The following CUL9 variants were observed in gnomAD, a reference collection of about 807,000 sequenced individuals.
CUL9 encodes cullin-9.
Under a neutral mutation model 272.6 loss-of-function variants are expected in CUL9, and 79 were observed. The observed-to-expected ratio is 0.29, with a 90% CI of 0.24 to 0.35. The LOEUF (loss-of-function observed/expected upper bound fraction) is 0.35. Ranked by LOEUF, CUL9 falls within the 10% of genes least tolerant of loss-of-function variation. The pLI is 1.00. For missense variants in CUL9, 2,532 were observed against 3,255.6 expected (o/e 0.78, Z 5.41); for synonymous variants, 1,186 against 1,286.5 (o/e 0.92, Z 1.67).
At chr6:43,212,902 T>C (rs556567160) in intron 26 of CUL9, 29 of 444,846 alleles carry the variant, frequency 6.5e-5, no homozygotes, top group African/African-American at 5.8e-4. Context: ...TGTTTTTGCA[T>C]GGAACCTGCC....
At chr6:43,193,638 C>G (rs1480866226) in intron 9 of CUL9, among the ~76,000 whole-genome samples, 1 of 152,080 alleles carries the variant, frequency 6.6e-6, no homozygotes, top group Non-Finnish European at 1.5e-5. Flanking sequence ...CCTCCACCTC[C>G]TGGGTTCAAG....
rs1562068621 is a variant in CUL9, at chr6:43,224,297, A to T, written c.7406A>T (p.Asp2469Val). 1 of 1,614,204 alleles carries T rather than the reference A, an allele frequency of 6.2e-7. No homozygotes were observed. Among genetic ancestry groups the T allele is most frequent in the African/African-American group, 1.3e-5 (1 of 75,064 alleles). ...GPEAEEEEED[D>V]EDDVPEWQQD... ...GAGGCAGAAGAGGAGGAGGAAGACG[A>T]TGAGGATGATGTGCCCGAGTGGCAG... Residue 2469 changes from aspartate to valine, a missense_variant, in exon 41 of 41, where the codon GAT (aspartate) becomes GTT (valine). This residue lies in a region of CUL9 where 237 missense variants were observed against 305.9 expected (regional missense o/e 0.77). Transcript: ENST00000252050. The surrounding 1 kb of genome is among the most constrained non-coding windows in gnomAD (Gnocchi z 4.2).
In CUL9 at chr6:43,193,072, C is replaced by T. The variant is rs953476329; in HGVS notation, c.2252C>T (p.Ala751Val). 2 of 1,614,210 alleles carry T rather than the reference C, an allele frequency of 1.2e-6. No homozygotes were observed. The highest frequency in any genetic ancestry group is 1.3e-5 in the African/African-American group (1 of 75,064). Residue 751 changes from alanine to valine, a missense_variant, in exon 9 of 41, where the codon GCC becomes GTC. Around this residue, in one of 3 missense-constraint regions of CUL9, gnomAD observed 2,218 missense variants for 2,788.6 expected, o/e 0.80. Coordinates refer to ENST00000252050, the MANE Select transcript of CUL9 (RefSeq NM_015089.4). ...QVGEKMVVVQ[A>V]LRLLYLLMTK... Reference sequence around the variant, plus strand: ...GGAGAGAAGATGGTGGTCGTGCAGGCCCTGCGCCTCCTTTACCTGCTCATG... The same window carrying T: ...GGAGAGAAGATGGTGGTCGTGCAGGTCCTGCGCCTCCTTTACCTGCTCATG...
Position 43,220,890 on chromosome 6 carries a change from C to T in CUL9, c.6567C>T (p.Cys2189=), listed in dbSNP as rs1369315706. 2 of 1,612,476 alleles carry T rather than the reference C, an allele frequency of 1.2e-6. No homozygotes were observed. The highest frequency in any genetic ancestry group is 2.7e-5 in the African/African-American group (2 of 74,888). ...GCTCCAAGTGTGGCTGGGCCTCTTG[C>T]TTCAACTGTAGCTTCCCTGAGGTGG... The part of the protein sequence containing the change: ...TTCSKCGWAS[C]FNCSFPEAHY... The change falls in exon 33 of 41, where the codon TGC becomes TGT. Residue 2189 remains cysteine, a synonymous_variant. Coordinates refer to ENST00000252050, the MANE Select transcript of CUL9 (RefSeq NM_015089.4). This position sits in a 1 kb window ranked among gnomAD's most constrained non-coding sequence, Gnocchi z 4.9.
rs773095111 is a variant in CUL9 at position 43,184,751 on chromosome 6, C to T, written c.441C>T (p.His147=). ...CGGCCGCTGTGCTTCACACCATCCA[C>T]GTGCTCAGTGCCTACGCCAGCATCG... is the stretch of plus-strand genomic sequence containing the variant. ...SLTAAVLHTI[H]VLSAYASIGP... The change falls in exon 2 of 41, where the codon CAC becomes CAT. Residue 147 remains histidine, a synonymous_variant. Coordinates refer to ENST00000252050, the MANE Select transcript of CUL9 (RefSeq NM_015089.4). This position sits in a 1 kb window ranked among gnomAD's most constrained non-coding sequence, Gnocchi z 4.8. 1.5e-5 allele frequency: 24 copies of T among 1,614,092 alleles called. No homozygotes were observed. The highest frequency in any genetic ancestry group is 7.7e-5 in the South Asian group (7 of 91,096).
intron 8 of CUL9, among the ~76,000 whole-genome samples, chr6:43,191,804 C>T (rs927880301): frequency 6.6e-6 from 1 of 151,736 alleles, no homozygotes; most frequent in African/African-American, 2.4e-5. Flanking sequence ...ACATTGGTCT[C>T]GAACTCCTGA....
rs1246707830 is a variant in CUL9 at position 43,220,070 on chromosome 6, A to T, written c.6283-389A>T. Among the ~76,000 whole-genome samples the T allele has an allele frequency of 1.4e-4, 21 of 152,160 alleles. No individual in the cohort carries two copies. On this transcript the variant is annotated intron_variant, in intron 31 of 40. Coordinates refer to ENST00000252050, the MANE Select transcript of CUL9 (RefSeq NM_015089.4). This position sits in a 1 kb window ranked among gnomAD's most constrained non-coding sequence, Gnocchi z 4.9. Reference sequence around the variant, plus strand: ...CACTGGAGCTGGGAGGAGAGACCAGAGCTGTGTTGTCAGCCACCCAGGCAA... The same window carrying T: ...CACTGGAGCTGGGAGGAGAGACCAGTGCTGTGTTGTCAGCCACCCAGGCAA...
chr6:43,191,544 C>T (rs1219772333), intron 8 of CUL9, among the ~76,000 whole-genome samples: 1 of 136,594 alleles, frequency 7.3e-6, no homozygotes, highest in Non-Finnish European at 1.5e-5. Flanking sequence ...GTTGCCCAGG[C>T]TGGTTTCAAA....
At chr6:43,205,931 A>T in intron 24 of CUL9, 76 bp from the exon 25 acceptor site, 4 of 1,274,060 alleles carry the variant, frequency 3.1e-6, no homozygotes, top group Non-Finnish European at 4.5e-6. Flanking sequence ...GGACAGAGGG[A>T]CCTACATTCT....
chr6:43,183,942 G>C lies in CUL9; in HGVS notation c.-9-360G>C, dbSNP rs12190942. On this transcript the variant is annotated intron_variant, in intron 1 of 40. Transcript: ENST00000252050. ...TAATTTTTGTATTTTTAGTAGAGAC[G>C]GGGTTTCACTATGTTGACCAGGCTG... is the stretch of plus-strand genomic sequence containing the variant. 8.2e-3 allele frequency among the ~76,000 whole-genome samples: 1,242 copies of C among 152,066 alleles called. 7 individuals carry two copies. The highest frequency in any genetic ancestry group is 0.031 in the Middle Eastern group (9 of 294).
chr6:43,217,418 A>T (rs1776022096), intron 31 of CUL9, among the ~76,000 whole-genome samples: 3 of 152,096 alleles, frequency 2.0e-5, no homozygotes, highest in Admixed American at 6.6e-5. Flanking sequence ...GCATTTGGGG[A>T]GTGAGTCATC....
chr6:43,214,776 C>CA (rs1775794457), intron 29 of CUL9, among the ~76,000 whole-genome samples: 2 of 150,784 alleles, frequency 1.3e-5, no homozygotes, highest in South Asian at 4.2e-4. Flanking sequence ...CCAGCCTGGG[C>CA]AATAGAGTGA....
intron 26 of CUL9, among the ~76,000 whole-genome samples, chr6:43,212,492 G>A (rs922439982): frequency 3.9e-5 from 6 of 152,128 alleles, no homozygotes; most frequent in Admixed American, 3.9e-4. Flanking sequence ...TACAGGAAAG[G>A]CTTGATTGTT....
chr6:43,186,187 T>C lies in CUL9; in HGVS notation c.983T>C (p.Met328Thr), dbSNP rs1328219328. The change falls in exon 4 of 41, where the codon ATG (methionine) becomes ACG (threonine). Residue 328 changes from methionine to threonine, a missense_variant. Around this residue, in one of 3 missense-constraint regions of CUL9, gnomAD observed 2,218 missense variants for 2,788.6 expected, o/e 0.80. Coordinates refer to ENST00000252050, the MANE Select transcript of CUL9 (RefSeq NM_015089.4). ...GWARNLSEQG[M>T]SPPRPTRSIF... Reference sequence around the variant, plus strand: ...GCCCGGAACCTCAGCGAACAGGGCATGTCACCTCCCCGGCCAACCCGGTCC... The same window carrying C: ...GCCCGGAACCTCAGCGAACAGGGCACGTCACCTCCCCGGCCAACCCGGTCC... 6 of 1,614,108 alleles carry C rather than the reference T, an allele frequency of 3.7e-6. No individual in the cohort carries two copies. The highest frequency in any genetic ancestry group is 5.1e-6 in the Non-Finnish European group (6 of 1,180,054).
intron 30 of CUL9, among the ~76,000 whole-genome samples, 161 bp downstream of exon 30, chr6:43,215,487 C>A (rs1775862813): frequency 6.6e-6 from 1 of 152,210 alleles, no homozygotes; most frequent in Non-Finnish European, 1.5e-5. Context: ...ACCCTCCCAG[C>A]ACCACCACCC....
chr6:43,198,643 G>A lies in CUL9; in HGVS notation c.2838G>A (p.Gly946=). ...CCCCCATCATCCAGGGTCAGGATGGGTCCCCTGAGCTACTGATTCGATCCC... is the reference window on the plus strand; with the variant it reads ...CCCCCATCATCCAGGGTCAGGATGGATCCCCTGAGCTACTGATTCGATCCC... The part of the protein sequence containing the change: ...LETPIIQGQD[G]SPELLIRSLV... Residue 946 remains glycine, a synonymous_variant, in exon 12 of 41, where the codon GGG becomes GGA. Transcript: ENST00000252050. 1 of 1,614,164 alleles carries A rather than the reference G, an allele frequency of 6.2e-7. No individual in the cohort carries two copies. The highest frequency in any genetic ancestry group is 8.5e-7 in the Non-Finnish European group (1 of 1,180,034).
At chr6:43,198,463 C>A in intron 11 of CUL9, 146 bp from the exon 12 acceptor site, 1 of 1,491,480 alleles carries the variant, frequency 6.7e-7, no homozygotes, top group Non-Finnish European at 8.9e-7. Context: ...GGAAAGAAAA[C>A]CCCTCATAGT....
rs1259745880 is a variant in CUL9, at chr6:43,205,437, T to C, written c.4793+14T>C. ...GCACTTCTATCAGTGAGTGCAGGTC[T>C]GGAGGCATAGGGGATGGGAGGCCTA... is the stretch of plus-strand genomic sequence containing the variant. On this transcript the variant is annotated intron_variant, in intron 24 of 40. Transcript: ENST00000252050. The C allele has an allele frequency of 1.2e-6, 2 of 1,609,742 alleles. No homozygotes were observed. Among genetic ancestry groups the C allele is most frequent in the Admixed American group, 1.7e-5 (1 of 59,966 alleles).
At position 43,197,540 on chromosome 6, in the gene CUL9, G is replaced by A. The variant is rs945384622; in HGVS notation, c.2803+678G>A. On this transcript the variant is annotated intron_variant, in intron 11 of 40. Coordinates refer to ENST00000252050, the MANE Select transcript of CUL9 (RefSeq NM_015089.4). ...ACTCTGTCGCCCAGGCTGGAATGCA[G>A]TTGCACGATCTCTGCTCACTGCAAG... Among the ~76,000 whole-genome samples, 9 of 151,834 alleles carry A rather than the reference G, an allele frequency of 5.9e-5. 1 individual carries two copies. The highest frequency in any genetic ancestry group is 2.2e-4 in the African/African-American group (9 of 41,190).
Sources: allele counts gnomAD v4.1 joint callset (sites outside exome capture counted in the v4.1 genomes callset), GRCh38; gene constraint gnomAD v4.1.1; regional missense constraint gnomAD v4.1.1; non-coding constraint Gnocchi (gnomAD v3.1); transcripts MANE v1.5; gene names NCBI Gene and HGNC (gene_info 2026-07-23, HGNC 2026-07-21).